SNTG2: variants seen among roughly 807,000 people sequenced by gnomAD.
SNTG2 encodes the protein gamma-2-syntrophin.
SNTG2 carries 74 observed loss-of-function variants against 70.9 expected under a neutral mutation model. The observed-to-expected ratio is 1.04, with a 90% CI of 0.86 to 1.27. The LOEUF (loss-of-function observed/expected upper bound fraction) is 1.27, where lower values mean the gene tolerates loss of function less well. Among genes scored for constraint, SNTG2 ranks in the 50% most tolerant of loss-of-function variants. SNTG2 has a pLI of 0.00. For synonymous variants in SNTG2, 278 were observed against 273.8 expected, an observed-to-expected ratio of 1.02 and a Z score of -0.15; for missense variants, 717 against 690.7, an observed-to-expected ratio of 1.04 and a Z score of -0.43.
intron 1 of SNTG2, among the ~76,000 whole-genome samples, chr2:984,472 A>G (rs58203490): frequency 0.29 from 44,345 of 151,776 alleles, 6,835 homozygotes; most frequent in Middle Eastern, 0.4. Context: ...TTTGCTGGGT[A>G]GAAGATACTC....
At chr2:1,365,817 A>G (rs1489132886) in intron 16 of SNTG2, among the ~76,000 whole-genome samples, 1 of 152,204 alleles carries the variant, frequency 6.6e-6, no homozygotes. Context: ...TCATGCTGTC[A>G]GGGAAGTTTG....
intron 6 of SNTG2, among the ~76,000 whole-genome samples, chr2:1,156,766 G>A (rs796552427): frequency 5.9e-5 from 9 of 152,220 alleles, no homozygotes; most frequent in East Asian, 5.8e-4. Context: ...CATTTGAGAC[G>A]TGGGTGGCTG....
At chr2:1,206,730 T>G (rs2147984506) in intron 8 of SNTG2, among the ~76,000 whole-genome samples, 1 of 152,266 alleles carries the variant, frequency 6.6e-6, no homozygotes, top group Middle Eastern at 3.4e-3. Context: ...AGCCTGATTT[T>G]ATAAAGAAAA....
chr2:1,086,056 TCA>T (rs967427577), intron 2 of SNTG2, among the ~76,000 whole-genome samples: 7 of 152,222 alleles, frequency 4.6e-5, no homozygotes, highest in Non-Finnish European at 1.0e-4. Flanking sequence ...TTACAGTTAC[TCA>T]CATAGTTAAG....
intron 4 of SNTG2, among the ~76,000 whole-genome samples, chr2:1,125,428 T>C (rs1304183792): frequency 1.3e-5 from 2 of 152,144 alleles, no homozygotes; most frequent in African/African-American, 2.4e-5. Flanking sequence ...CTCCCTCCCT[T>C]CCTTTGCCTT....
intron 14 of SNTG2, among the ~76,000 whole-genome samples, chr2:1,298,221 C>G (rs1396119406): frequency 6.6e-6 from 1 of 152,132 alleles, no homozygotes; most frequent in Non-Finnish European, 1.5e-5. Context: ...CAACCTCTGC[C>G]TCCCAGGCTC....
At chr2:1,177,161 A>G (rs570561899) in intron 8 of SNTG2, among the ~76,000 whole-genome samples, 1 of 152,342 alleles carries the variant, frequency 6.6e-6, no homozygotes, top group South Asian at 2.1e-4. Flanking sequence ...AAAAAGGAGC[A>G]AGACTATGTC....
chr2:1,251,572 C>A (rs192509744), intron 12 of SNTG2, among the ~76,000 whole-genome samples: 11 of 147,202 alleles, frequency 7.5e-5, no homozygotes, highest in African/African-American at 2.8e-4. Flanking sequence ...AGAACACACA[C>A]CTCCCACAGG....
intron 15 of SNTG2, among the ~76,000 whole-genome samples, chr2:1,311,852 A>G (rs1681007723): frequency 1.3e-5 from 2 of 152,200 alleles, no homozygotes; most frequent in African/African-American, 4.8e-5. Context: ...TTAACTGAGG[A>G]CATTTGTGTA....
At chr2:1,234,669 C>T (rs948779132) in intron 9 of SNTG2, among the ~76,000 whole-genome samples, 20 of 152,310 alleles carry the variant, frequency 1.3e-4, no homozygotes, top group African/African-American at 4.3e-4. Context: ...GCCCCTCGTG[C>T]GAGTCCGTGA....
Position 1,173,122 on chromosome 2 carries a change from G to C in SNTG2, c.530G>C (p.Ser177Thr). 6.2e-7 allele frequency: 1 copy of C among 1,614,034 alleles called. No individual in the cohort carries two copies. The highest frequency in any genetic ancestry group is 8.5e-7 in the Non-Finnish European group (1 of 1,179,898). ...CCAGGGCCATCCAGCGACCACAGCAGTGGGGCCTCCTCTCCCCTCTTTGAC... is the reference window on the plus strand; with the variant it reads ...CCAGGGCCATCCAGCGACCACAGCACTGGGGCCTCCTCTCCCCTCTTTGAC... ...GSPGPSSDHS[S>T]GASSPLFDSG... The change falls in exon 8 of 17, where the codon AGT becomes ACT. Residue 177 changes from serine to threonine, a missense_variant. Coordinates refer to ENST00000308624, the MANE Select transcript of SNTG2 (RefSeq NM_018968.4).
intron 16 of SNTG2, among the ~76,000 whole-genome samples, chr2:1,356,081 G>A (rs1213689862): frequency 1.3e-5 from 2 of 152,060 alleles, no homozygotes; most frequent in African/African-American, 2.4e-5. Context: ...TATACATTTT[G>A]GACATTAACC....
chr2:1,170,066 G>A (rs1484610942), intron 7 of SNTG2, among the ~76,000 whole-genome samples: 1 of 152,188 alleles, frequency 6.6e-6, no homozygotes, highest in Non-Finnish European at 1.5e-5. Flanking sequence ...AATCCACCGA[G>A]CAGCTCCAGT....
chr2:1,255,835 TATATATAA>T (rs1442957394), intron 12 of SNTG2, among the ~76,000 whole-genome samples: 27,458 of 83,764 alleles, frequency 0.33, 4,237 homozygotes, highest in African/African-American at 0.49. Context: ...TATATATAAA[TATATATAA>T]ATATATATAA....
intron 1 of SNTG2, among the ~76,000 whole-genome samples, chr2:961,064 G>C (rs1660333809): frequency 6.6e-6 from 1 of 152,172 alleles, no homozygotes; most frequent in Non-Finnish European, 1.5e-5. Flanking sequence ...ACCATTTTCT[G>C]TTGATATAAA....
intron 4 of SNTG2, among the ~76,000 whole-genome samples, chr2:1,132,242 TATATAC>T (rs1668070539): frequency 8.6e-6 from 1 of 116,924 alleles, no homozygotes; most frequent in African/African-American, 2.5e-5. Context: ...TGTGTGTATA[TATATAC>T]ACACACACAC....
intron 16 of SNTG2, among the ~76,000 whole-genome samples, chr2:1,320,437 CAGG>C (rs1238929202): frequency 6.8e-6 from 1 of 148,020 alleles, no homozygotes; most frequent in Non-Finnish European, 1.5e-5. Flanking sequence ...GAGGCTGAGG[CAGG>C]AGAATGGTGT....
At chr2:1,114,851 C>A (rs912400286) in intron 4 of SNTG2, among the ~76,000 whole-genome samples, 2 of 151,104 alleles carry the variant, frequency 1.3e-5, no homozygotes, top group Admixed American at 6.6e-5. Context: ...AAGGTTTAAC[C>A]CTTATAGTCC....
At chr2:1,133,674 T>C (rs554038703) in intron 4 of SNTG2, among the ~76,000 whole-genome samples, 41 of 146,112 alleles carry the variant, frequency 2.8e-4, no homozygotes, top group Admixed American at 2.5e-3. Flanking sequence ...TTCATGATTT[T>C]ATTTTATCAC....
Sources: allele counts gnomAD v4.1 joint callset (sites outside exome capture counted in the v4.1 genomes callset), GRCh38; gene constraint gnomAD v4.1.1; transcripts MANE v1.5; gene names NCBI Gene and HGNC (gene_info 2026-07-23, HGNC 2026-07-21).